DTNB: variants seen among roughly 807,000 people sequenced by gnomAD.
DTNB encodes dystrobrevin beta.
Under a neutral mutation model 90.7 loss-of-function variants are expected in DTNB, and 63 were observed. The ratio of observed to expected loss-of-function variants is 0.69; its 90% CI spans 0.57 to 0.86. The LOEUF (loss-of-function observed/expected upper bound fraction) is 0.86, where lower values mean the gene tolerates loss of function less well. DTNB is among the 40% of genes least tolerant of loss of function. The pLI is 0.00. For missense variants in DTNB, 744 were observed against 807.1 expected, an observed-to-expected ratio of 0.92 and a Z score of 0.95; for synonymous variants, 277 against 286.7, an observed-to-expected ratio of 0.97 and a Z score of 0.34.
At chr2:25,385,231 G>C (rs2039141593) in intron 18 of DTNB, among the ~76,000 whole-genome samples, 1 of 152,112 alleles carries the variant, frequency 6.6e-6, no homozygotes, top group Non-Finnish European at 1.5e-5. Context: ...ACTTTATAAA[G>C]ATGAGGACTA....
chr2:25,669,437 T>G (rs1333572541), intron 1 of DTNB, among the ~76,000 whole-genome samples: 2 of 152,054 alleles, frequency 1.3e-5, no homozygotes, highest in East Asian at 1.9e-4. Context: ...AATATATCAT[T>G]AACACCATGA....
At chr2:25,618,386 A>G (rs2071412159) in intron 4 of DTNB, among the ~76,000 whole-genome samples, 1 of 152,208 alleles carries the variant, frequency 6.6e-6, no homozygotes, top group African/African-American at 2.4e-5. Flanking sequence ...TATTCTGTAT[A>G]CACTGGTCAA....
chr2:25,393,851 C>T (rs1313616371), intron 16 of DTNB, among the ~76,000 whole-genome samples: 3 of 152,022 alleles, frequency 2.0e-5, no homozygotes, highest in East Asian at 3.9e-4. Flanking sequence ...ATGCAATTCC[C>T]ATCAAAATAC....
At chr2:25,587,718 T>TC (rs1335952450) in intron 6 of DTNB, among the ~76,000 whole-genome samples, 2 of 152,204 alleles carry the variant, frequency 1.3e-5, no homozygotes, top group Non-Finnish European at 2.9e-5. Flanking sequence ...AGACACTCTC[T>TC]CCTTCACAGG....
At chr2:25,546,545 G>A (rs563697362) in intron 8 of DTNB, among the ~76,000 whole-genome samples, 11 of 152,014 alleles carry the variant, frequency 7.2e-5, no homozygotes, top group Non-Finnish European at 1.2e-4. Context: ...ACCTTGTTTC[G>A]TGAACCCAAG....
chr2:25,601,014 T>C (rs1240937562), intron 5 of DTNB, among the ~76,000 whole-genome samples: 1 of 152,198 alleles, frequency 6.6e-6, no homozygotes, highest in Non-Finnish European at 1.5e-5. Context: ...TCATTACTTC[T>C]TGAGTTATGG....
At chr2:25,589,875 C>T (rs1420339346) in intron 6 of DTNB, among the ~76,000 whole-genome samples, 3 of 152,236 alleles carry the variant, frequency 2.0e-5, no homozygotes, top group African/African-American at 7.2e-5. Context: ...ACTCGGCTCA[C>T]GCTACCAGCC....
At chr2:25,580,569 C>A (rs2061419404) in intron 7 of DTNB, among the ~76,000 whole-genome samples, 152 bp downstream of exon 7, 2 of 151,216 alleles carry the variant, frequency 1.3e-5, no homozygotes, top group African/African-American at 2.4e-5. Flanking sequence ...AAAAAAAATT[C>A]TTCTGAAAGC....
chr2:25,594,257 G>A (rs927395163), intron 6 of DTNB, among the ~76,000 whole-genome samples: 3 of 152,164 alleles, frequency 2.0e-5, no homozygotes, highest in Non-Finnish European at 4.4e-5. Flanking sequence ...AACGAAGCAT[G>A]GAGATATTTT....
In DTNB at chr2:25,438,189, AAGGGTCTAGACC is replaced by A. The variant is rs200133515; in HGVS notation, c.1258-4206_1258-4195del. On this transcript the variant is annotated intron_variant, in intron 12 of 20. Coordinates refer to ENST00000406818, the MANE Select transcript of DTNB (RefSeq NM_021907.5). Reference sequence around the variant, plus strand: ...GGTAAGAGCGAGGCACGGGGAGATGAAGGGTCTAGACCAGGGGTATCCAATCTTTTGGCTTCC... The same window carrying A: ...GGTAAGAGCGAGGCACGGGGAGATGAAGGGGTATCCAATCTTTTGGCTTCC... 1.4e-3 allele frequency among the ~76,000 whole-genome samples: 211 copies of A among 152,280 alleles called. 5 individuals carry two copies. The East Asian group carries it at 0.035, about 25-fold the overall frequency.
At chr2:25,406,976 A>C (rs189780587) in intron 16 of DTNB, among the ~76,000 whole-genome samples, 3 of 152,338 alleles carry the variant, frequency 2.0e-5, no homozygotes, top group African/African-American at 7.2e-5. Flanking sequence ...ATGTGAAAGC[A>C]ATTAACAGAA....
intron 16 of DTNB, 193 bp from the exon 17 acceptor site, chr2:25,388,554 G>A: frequency 3.0e-6 from 2 of 676,046 alleles, no homozygotes; most frequent in South Asian, 2.1e-5. Context: ...AAGGAAGGGG[G>A]CGTGCAGGGC....
intron 6 of DTNB, among the ~76,000 whole-genome samples, chr2:25,587,712 ACTCT>A (rs1336165055): frequency 6.6e-6 from 1 of 151,952 alleles, no homozygotes; most frequent in Non-Finnish European, 1.5e-5. Flanking sequence ...TTAGTAAGAC[ACTCT>A]CTCCTTCACA....
At chr2:25,400,546 C>T (rs1037030888) in intron 16 of DTNB, among the ~76,000 whole-genome samples, 3 of 152,182 alleles carry the variant, frequency 2.0e-5, no homozygotes, top group Non-Finnish European at 4.4e-5. Context: ...GGTAGAGCAA[C>T]TAGTCAGGTG....
At chr2:25,560,378 C>CGG (rs1255411879) in intron 8 of DTNB, among the ~76,000 whole-genome samples, 1 of 152,206 alleles carries the variant, frequency 6.6e-6, no homozygotes, top group Non-Finnish European at 1.5e-5. Context: ...TATTGGTAGA[C>CGG]TGTGTAAAAG....
chr2:25,433,007 G>A lies in DTNB; in HGVS notation c.1344-8C>T. The A allele has an allele frequency of 1.3e-6, 2 of 1,596,710 alleles. No individual in the cohort carries two copies. Among genetic ancestry groups the A allele is most frequent in the Non-Finnish European group, 1.7e-6 (2 of 1,173,054 alleles). On this transcript the variant is annotated splice_region_variant and splice_polypyrimidine_tract_variant and intron_variant, in intron 13 of 20. Coordinates refer to ENST00000406818, the MANE Select transcript of DTNB (RefSeq NM_021907.5). ...ATCTCCTGCAGGATCTCTCTAGAGA[G>A]GATGGGTGAACGGAAAGGGGCTGCA...
intron 19 of DTNB, 99 bp downstream of exon 19, chr2:25,383,737 G>T (rs2038586403): frequency 1.2e-6 from 2 of 1,610,308 alleles, no homozygotes; most frequent in African/African-American, 2.7e-5. Context: ...CTCTGGGAAA[G>T]GTGGTGGCAG....
chr2:25,645,753 T>C (rs1285819789), intron 2 of DTNB, among the ~76,000 whole-genome samples: 2 of 152,068 alleles, frequency 1.3e-5, no homozygotes, highest in Non-Finnish European at 2.9e-5. Context: ...TAAAAAAAGA[T>C]AATACTAAAA....
intron 5 of DTNB, among the ~76,000 whole-genome samples, chr2:25,599,200 G>A (rs1220157124): frequency 6.6e-6 from 1 of 150,818 alleles, no homozygotes; most frequent in African/African-American, 2.4e-5. Context: ...TGGCAAACTA[G>A]ATTACGGAAT....
Sources: gnomAD v4.1 joint callset for allele counts (sites outside exome capture counted in the v4.1 genomes callset) on GRCh38, gnomAD v4.1.1 for gene constraint, MANE v1.5 for transcripts, NCBI Gene and HGNC (gene_info 2026-07-23, HGNC 2026-07-21) for gene names.